The following ARID1B variants were observed in gnomAD, a reference collection of about 807,000 sequenced individuals.
The protein encoded by ARID1B is AT-rich interaction domain 1B, also known as AT-rich interactive domain-containing protein 1B.
ARID1B carries 30 observed loss-of-function variants against 212.3 expected under a neutral mutation model. That is an observed-to-expected ratio of 0.14 (90% CI 0.11 to 0.19). The LOEUF is 0.19. Among genes scored for constraint, ARID1B ranks in the 10% least tolerant of loss-of-function variants. The pLI, the probability that ARID1B is intolerant of heterozygous loss-of-function variation, is 1.00. For missense variants in ARID1B, 2,891 were observed against 3,204.0 expected, an observed-to-expected ratio of 0.90 and a Z score of 2.36; for synonymous variants, 1,402 against 1,301.7, an observed-to-expected ratio of 1.08 and a Z score of -1.66.
chr6:156,919,773 G>T (rs1164535926), intron 3 of ARID1B, among the ~76,000 whole-genome samples: 1 of 152,232 alleles, frequency 6.6e-6, no homozygotes, highest in Non-Finnish European at 1.5e-5. Context: ...CAAGGCTGCA[G>T]TGAGCTCTGA....
upstream of ARID1B, chr6:156,776,514 T>C (rs1411851335): frequency 6.6e-6 from 1 of 152,190 alleles, no homozygotes; most frequent in Admixed American, 6.5e-5. Context: ...AGGTGTCATA[T>C]AGATTTATGA....
At chr6:156,813,999 TG>T (rs747384211) in intron 1 of ARID1B, among the ~76,000 whole-genome samples, 1 of 151,896 alleles carries the variant, frequency 6.6e-6, no homozygotes, top group Non-Finnish European at 1.5e-5. Flanking sequence ...ACCACGAGAG[TG>T]GGTACAGTGT....
chr6:156,960,839 T>G (rs1794322037), intron 4 of ARID1B, among the ~76,000 whole-genome samples: 2 of 152,100 alleles, frequency 1.3e-5, no homozygotes, highest in Non-Finnish European at 2.9e-5. Context: ...GTTAGATGAT[T>G]TTGTTGAGTA....
chr6:157,183,342 A>G (rs952905108), intron 12 of ARID1B, among the ~76,000 whole-genome samples: 1 of 152,182 alleles, frequency 6.6e-6, no homozygotes, highest in Non-Finnish European at 1.5e-5. Flanking sequence ...AATGGACAGA[A>G]GAGCCGTGTG....
chr6:157,067,481 G>A (rs9480424), intron 4 of ARID1B, among the ~76,000 whole-genome samples: 7,283 of 152,264 alleles, frequency 0.048, 256 homozygotes, highest in African/African-American at 0.091. Flanking sequence ...CAGAGGAACC[G>A]TGGTTTTACG....
Position 157,207,811 on chromosome 6 carries a change from G to T in ARID1B, c.7039G>T (p.Asp2347Tyr), listed in dbSNP as rs1222062480. ...CCTTTTGCACGAGGGCCGGTTGCTG[G>T]ATATCTCGATATCAGCTGTCCTGAA... Reference protein sequence around the residue: ...EFLLHEGRLLDISISAVLNSL... With the variant: ...EFLLHEGRLLYISISAVLNSL... The change falls in exon 20 of 20, where the codon GAT becomes TAT. Residue 2347 changes from aspartate (D) to tyrosine (Y), a missense_variant. Around this residue, in one of 7 missense-constraint regions of ARID1B, gnomAD observed 187 missense variants for 306.5 expected, o/e 0.61. Transcript: ENST00000636930. This position sits in a 1 kb window ranked among gnomAD's most constrained non-coding sequence, Gnocchi z 8.5. 1.9e-6 allele frequency: 3 copies of T among 1,542,132 alleles called. No individual in the cohort carries two copies. The highest frequency in any genetic ancestry group is 1.4e-5 in the African/African-American group (1 of 72,898).
chr6:157,062,114 T>C (rs1783377743), intron 4 of ARID1B, among the ~76,000 whole-genome samples: 1 of 152,232 alleles, frequency 6.6e-6, no homozygotes, highest in Non-Finnish European at 1.5e-5. Flanking sequence ...CCGAATCTAC[T>C]TTCCCAAGTA....
In ARID1B at chr6:156,779,175, AC is replaced by A. The variant is rs1392553148; in HGVS notation, c.1499del (p.Pro500ArgfsTer13). On this transcript the variant is annotated frameshift_variant, in exon 1 of 20. Coordinates refer to ENST00000636930, the MANE Select transcript of ARID1B (RefSeq NM_001374828.1). LOFTEE classifies it high-confidence loss of function. ...AGQNQHPSGA[T>X]PTLNQLLTSP... ...CCAGAACCAGCACCCGTCGGGGGCC[AC>A]CCCGACCCTCAATCAGCTGCTCACC... The A allele has an allele frequency of 5.3e-6, 7 of 1,318,654 alleles. No homozygotes were observed. Among genetic ancestry groups the A allele is most frequent in the Admixed American group, 2.6e-5 (1 of 38,434 alleles). 81.7% of individuals were successfully genotyped at this position (1,318,654 alleles called of 1,614,324 possible).
intron 3 of ARID1B, among the ~76,000 whole-genome samples, chr6:156,931,910 T>C (rs1464425577): frequency 1.4e-5 from 2 of 142,052 alleles, no homozygotes; most frequent in South Asian, 2.2e-4. Flanking sequence ...TGCGGTGAGC[T>C]GAGATTGCGC....
At chr6:157,071,096 C>T (rs1447308337) in intron 4 of ARID1B, 2 of 152,122 alleles carry the variant, frequency 1.3e-5, no homozygotes, top group African/African-American at 4.8e-5. Context: ...TACCAGTCTT[C>T]GTATGTTTAT....
intron 4 of ARID1B, among the ~76,000 whole-genome samples, chr6:157,000,268 G>C (rs1044611683): frequency 6.6e-6 from 1 of 152,156 alleles, no homozygotes; most frequent in Admixed American, 6.5e-5. Context: ...GAGTCTGCAG[G>C]CTTCTTTGCC....
At chr6:156,855,402 C>T (rs553838199) in intron 2 of ARID1B, among the ~76,000 whole-genome samples, 30 of 152,286 alleles carry the variant, frequency 2.0e-4, no homozygotes, top group African/African-American at 5.5e-4. Context: ...CTGAGGAAGG[C>T]GTGTGCTAAC....
rs2128518014 is a variant in ARID1B, at chr6:157,110,503, C to G, written c.2523C>G (p.Ser841Arg). ...AGATGCCTCCGCAGCCACCCGGGAGCCAGTCAGAATCCAGTTCCCATCCCG... is the reference window on the plus strand; with the variant it reads ...AGATGCCTCCGCAGCCACCCGGGAGGCAGTCAGAATCCAGTTCCCATCCCG... The part of the protein sequence containing the change: ...GSQMPPQPPG[S>R]QSESSSHPAL... Residue 841 changes from serine (S) to arginine (R), a missense_variant, in exon 6 of 20, where the codon AGC becomes AGG. Coordinates refer to ENST00000636930, the MANE Select transcript of ARID1B (RefSeq NM_001374828.1). 1 of 1,614,150 alleles carries G rather than the reference C, an allele frequency of 6.2e-7. No individual in the cohort carries two copies. Among genetic ancestry groups the G allele is most frequent in the Non-Finnish European group, 8.5e-7 (1 of 1,180,026 alleles).
intron 4 of ARID1B, among the ~76,000 whole-genome samples, chr6:157,010,046 TAAG>T (rs1429811010): frequency 2.6e-5 from 4 of 152,220 alleles, no homozygotes; most frequent in African/African-American, 9.6e-5. Context: ...AAATCTAGAA[TAAG>T]AAGAGAATTT....
intron 4 of ARID1B, among the ~76,000 whole-genome samples, chr6:157,033,304 C>T (rs568986693): frequency 1.2e-4 from 18 of 152,154 alleles, no homozygotes; most frequent in African/African-American, 3.9e-4. Context: ...TTATGAGTAT[C>T]GTTCATTATA....
chr6:156,865,995 A>T (rs1205978315), intron 2 of ARID1B, among the ~76,000 whole-genome samples: 1 of 152,012 alleles, frequency 6.6e-6, no homozygotes. Context: ...TTTTATGTTA[A>T]AGTCTTTCCC....
intron 4 of ARID1B, chr6:157,023,026 T>G (rs1583166774): frequency 6.6e-6 from 1 of 152,220 alleles, no homozygotes; most frequent in East Asian, 1.9e-4. Flanking sequence ...ATTTCTGTGT[T>G]TGTGATCTGT....
chr6:156,854,064 T>C (rs946306627), intron 2 of ARID1B, among the ~76,000 whole-genome samples: 7 of 152,166 alleles, frequency 4.6e-5, no homozygotes, highest in Non-Finnish European at 1.0e-4. Flanking sequence ...TTAAATGAGG[T>C]GATACTTGTA....
intron 16 of ARID1B, among the ~76,000 whole-genome samples, chr6:157,197,602 T>G (rs1038054573): frequency 1.3e-5 from 2 of 152,224 alleles, no homozygotes; most frequent in Non-Finnish European, 2.9e-5. Context: ...GGCCAATATT[T>G]ACTTGTGATA....
Sources: gnomAD v4.1 joint callset for allele counts (sites outside exome capture counted in the v4.1 genomes callset) on GRCh38, gnomAD v4.1.1 for gene constraint, gnomAD v4.1.1 regional missense constraint, Gnocchi (gnomAD v3.1) non-coding constraint, MANE v1.5 for transcripts, NCBI Gene and HGNC (gene_info 2026-07-23, HGNC 2026-07-21) for gene names.